HMCN2: variants seen among roughly 807,000 people sequenced by gnomAD.
HMCN2 encodes hemicentin 2, also known as hemicentin-2.
Under a neutral mutation model 377.5 loss-of-function variants are expected in HMCN2, and 325 were observed. That is an observed-to-expected ratio of 0.86 (90% CI 0.79 to 0.94). The LOEUF is 0.94. Among genes scored for constraint, HMCN2 ranks in the 40% least tolerant of loss-of-function variants. The probability of loss-of-function intolerance (pLI) is 0.00; values close to 1 mark genes in which losing one functional copy is unlikely to be tolerated. For missense variants in HMCN2, 4,543 were observed against 4,725.3 expected (o/e 0.96, Z 1.13); for synonymous variants, 2,007 against 2,046.8 (o/e 0.98, Z 0.53).
chr9:130,346,610 A>G (rs1050481817), intron 25 of HMCN2, among the ~76,000 whole-genome samples: 1 of 152,166 alleles, frequency 6.6e-6, no homozygotes, highest in African/African-American at 2.4e-5. Context: ...CCCAGGGCAC[A>G]ACGCAGGGTG....
intron 85 of HMCN2, among the ~76,000 whole-genome samples, chr9:130,417,040 T>A (rs1843731442): frequency 6.6e-6 from 1 of 151,892 alleles, no homozygotes; most frequent in African/African-American, 2.4e-5. Context: ...GCCTCTCAAG[T>A]AGCTGGGATT....
intron 32 of HMCN2, among the ~76,000 whole-genome samples, 177 bp from the exon 33 acceptor site, chr9:130,355,569 G>A (rs988884439): frequency 1.1e-4 from 17 of 152,368 alleles, no homozygotes; most frequent in African/African-American, 3.6e-4. Flanking sequence ...GGAGCCCGGG[G>A]TGTCCCCTTA....
intron 54 of HMCN2, among the ~76,000 whole-genome samples, chr9:130,381,870 C>A (rs10751507): frequency 2.0e-5 from 3 of 151,956 alleles, no homozygotes; most frequent in East Asian, 1.9e-4. Flanking sequence ...CTGCTGTCAC[C>A]CCCAGCACTG....
chr9:130,351,400 T>C lies in HMCN2; in HGVS notation c.4431-23T>C, dbSNP rs1247360324. ...TCCAGCCCCTCGGCCTTACTGGCGCTTTTCCCTTGCCCGTCTCTCCAGGCC... is the reference window on the plus strand; with the variant it reads ...TCCAGCCCCTCGGCCTTACTGGCGCCTTTCCCTTGCCCGTCTCTCCAGGCC... On this transcript the variant is annotated intron_variant, in intron 29 of 97. Transcript: ENST00000683500. This position sits in a 1 kb window ranked among gnomAD's most constrained non-coding sequence, Gnocchi z 5.4. 2.3e-6 allele frequency: 3 copies of C among 1,292,322 alleles called. No homozygotes were observed. The Admixed American group carries it at 7.0e-5, about 30-fold the overall frequency. 80.1% of individuals were successfully genotyped at this position (1,292,322 alleles called of 1,614,324 possible).
intron 77 of HMCN2, among the ~76,000 whole-genome samples, chr9:130,402,151 C>A (rs993828047): frequency 1.3e-5 from 2 of 152,254 alleles, no homozygotes. Flanking sequence ...ACAAGTGAAA[C>A]AAACCACAGT....
At chr9:130,376,421 G>A (rs1787340588) in intron 51 of HMCN2, 95 bp from the exon 52 acceptor site, 2 of 205,876 alleles carry the variant, frequency 9.7e-6, no homozygotes, top group Non-Finnish European at 1.7e-5. Context: ...TCTTGGGCCG[G>A]CCCCCATTTC....
chr9:130,364,827 G>C lies in HMCN2; in HGVS notation c.6346G>C (p.Asp2116His). 7.1e-6 allele frequency: 7 copies of C among 986,066 alleles called. No homozygotes were observed. Among genetic ancestry groups the C allele is most frequent in the Non-Finnish European group, 8.4e-6 (7 of 830,072 alleles). 61.1% of individuals were successfully genotyped at this position (986,066 alleles called of 1,614,324 possible). ...CCCTCCTGTGCTGAGCTGGTGGAAG[G>C]ACGGGCGGCCCCTGGAACCACGGCC... ...MPPPVLSWWKDGRPLEPRPGV... is the reference protein window; with the variant it reads ...MPPPVLSWWKHGRPLEPRPGV... Residue 2116 changes from aspartate (D) to histidine (H), a missense_variant, in exon 41 of 98, where the codon GAC becomes CAC. Coordinates refer to ENST00000683500, the MANE Select transcript of HMCN2 (RefSeq NM_001291815.2).
chr9:130,433,326 C>G, intron 97 of HMCN2, 22 bp from the exon 98 acceptor site: 1 of 1,414,018 alleles, frequency 7.1e-7, no homozygotes, highest in South Asian at 1.5e-5. Context: ...TCCGCCTGTC[C>G]GTGTGTCTGT....
rs532062062 is a variant in HMCN2 at position 130,382,537 on chromosome 9, C to CATCA, written c.8546-141_8546-138dup. The CATCA allele has an allele frequency of 4.9e-3, 969 of 199,690 alleles. 5 individuals carry two copies. Among genetic ancestry groups the CATCA allele is most frequent in the Middle Eastern group, 7.4e-3 (3 of 408 alleles). 12.4% of individuals were successfully genotyped at this position (199,690 alleles called of 1,614,324 possible). Reference sequence around the variant, plus strand: ...TTCTGTGCCCCCGATTCCTTAGCTGCATCAGGGATTGGGAGGGCTTGGAGA... The same window carrying CATCA: ...TTCTGTGCCCCCGATTCCTTAGCTGCATCAATCAGGGATTGGGAGGGCTTGGAGA... On this transcript the variant is annotated intron_variant, in intron 55 of 97. Coordinates refer to ENST00000683500, the MANE Select transcript of HMCN2 (RefSeq NM_001291815.2).
chr9:130,324,066 T>C (rs1837993578), intron 19 of HMCN2, among the ~76,000 whole-genome samples: 1 of 152,228 alleles, frequency 6.6e-6, no homozygotes, highest in Admixed American at 6.5e-5. Context: ...TGTTTAGGTG[T>C]GCAGTGGTGT....
chr9:130,324,693 C>T (rs1375511850), intron 19 of HMCN2, among the ~76,000 whole-genome samples: 1 of 152,080 alleles, frequency 6.6e-6, no homozygotes, highest in Non-Finnish European at 1.5e-5. Flanking sequence ...GGCGCAATCC[C>T]AGCTCACTGC....
intron 32 of HMCN2, among the ~76,000 whole-genome samples, 162 bp downstream of exon 32, chr9:130,355,206 C>T (rs1839962067): frequency 6.6e-6 from 1 of 152,146 alleles, no homozygotes; most frequent in Admixed American, 6.5e-5. Context: ...GAGGCCTGGG[C>T]TGTGGGGCCG....
chr9:130,430,460 T>C lies in HMCN2; in HGVS notation c.14503T>C (p.Leu4835=). Residue 4835 remains leucine (L), a synonymous_variant, in exon 95 of 98, where the codon TTG becomes CTG. Coordinates refer to ENST00000683500, the MANE Select transcript of HMCN2 (RefSeq NM_001291815.2). ...VTTVSHRGPL[L]PWLRPWASIP... ...CACCGTCAGCCACCGAGGCCCTCTATTGCCCTGGCTGCGGCCCTGGGCCTC... is the reference window on the plus strand; with the variant it reads ...CACCGTCAGCCACCGAGGCCCTCTACTGCCCTGGCTGCGGCCCTGGGCCTC... The C allele has an allele frequency of 6.4e-7, 1 of 1,550,592 alleles. No homozygotes were observed. The highest frequency in any genetic ancestry group is 8.7e-7 in the Non-Finnish European group (1 of 1,146,972).
In HMCN2 at chr9:130,360,638, C is replaced by CA; in HGVS notation, c.5950+39dup. ...CCCTGGGCCTACAAGGTCCCTTGTC[C>CA]AAAAAGTTGTCTTTTCATTCATTTG... On this transcript the variant is annotated intron_variant, in intron 38 of 97. Transcript: ENST00000683500. This position sits in a 1 kb window ranked among gnomAD's most constrained non-coding sequence, Gnocchi z 4.7. The CA allele has an allele frequency of 8.1e-7, 1 of 1,240,036 alleles. No individual in the cohort carries two copies. Among genetic ancestry groups the CA allele is most frequent in the Non-Finnish European group, 1.1e-6 (1 of 949,936 alleles). The allele number at this position is 1,240,036 out of a possible 1,614,324, so 76.8% of individuals were successfully genotyped here.
chr9:130,292,050 C>T (rs563165123), intron 4 of HMCN2, among the ~76,000 whole-genome samples: 1 of 151,174 alleles, frequency 6.6e-6, no homozygotes, highest in South Asian at 2.1e-4. Context: ...CTATGTTTCC[C>T]TCAAACTGGA....
rs966391159 is a variant in HMCN2, at chr9:130,379,379, C to T, written c.8343C>T (p.Cys2781=). 16 of 985,682 alleles carry T rather than the reference C, an allele frequency of 1.6e-5. No homozygotes were observed. The Admixed American group carries it at 3.7e-4, about 23-fold the overall frequency. 61.1% of individuals were successfully genotyped at this position (985,682 alleles called of 1,614,324 possible). A position where few individuals can be genotyped will look rare whatever the true frequency, so the allele number is the denominator to read the frequency against. ...AGAACAACCCAGCCTACCTGTACTGCGACACCAACGCGATCCCACCCCCGG... is the reference window on the plus strand; with the variant it reads ...AGAACAACCCAGCCTACCTGTACTGTGACACCAACGCGATCCCACCCCCGG... The part of the protein sequence containing the change: ...IVENNPAYLY[C]DTNAIPPPDL... Residue 2781 remains cysteine (C), a synonymous_variant, in exon 54 of 98, where the codon TGC becomes TGT. Transcript: ENST00000683500.
chr9:130,331,827 C>T (rs1484994041), intron 22 of HMCN2, among the ~76,000 whole-genome samples: 5 of 152,204 alleles, frequency 3.3e-5, no homozygotes, highest in African/African-American at 9.7e-5. Context: ...CGGAGGCAGC[C>T]GGCCAGCATT....
rs759472170 is a variant in HMCN2, at chr9:130,397,629, G to A, written c.11300G>A (p.Arg3767His). 39 of 1,289,830 alleles carry A rather than the reference G, an allele frequency of 3.0e-5. No individual in the cohort carries two copies. In the Admixed American group the frequency reaches 4.6e-4, roughly 15 times the overall value. The allele number at this position is 1,289,830 out of a possible 1,614,324, so 79.9% of individuals were successfully genotyped here. Residue 3767 changes from arginine to histidine, a missense_variant, in exon 74 of 98, where the codon CGT (arginine) becomes CAT (histidine). Transcript: ENST00000683500. The part of the protein sequence containing the change: ...CLASNSAGSD[R>H]QGRDLRVLEP... ...GCATCCAACTCTGCTGGCTCCGATC[G>A]TCAAGGCCGTGACCTACGGGTCTTG... is the stretch of plus-strand genomic sequence containing the variant.
At chr9:130,343,983 GGT>G (rs1232579424) in intron 25 of HMCN2, among the ~76,000 whole-genome samples, 4 of 152,334 alleles carry the variant, frequency 2.6e-5, no homozygotes, top group Admixed American at 2.6e-4. Context: ...TGGTGTGTGT[GGT>G]GTGTGGGACT....
Sources: gnomAD v4.1 joint callset for allele counts (sites outside exome capture counted in the v4.1 genomes callset) on GRCh38, gnomAD v4.1.1 for gene constraint, Gnocchi (gnomAD v3.1) non-coding constraint, MANE v1.5 for transcripts, NCBI Gene and HGNC (gene_info 2026-07-23, HGNC 2026-07-21) for gene names.